RBFOX1: variants seen among roughly 807,000 people sequenced by gnomAD.
RBFOX1 encodes RNA binding fox-1 homolog 1.
In RBFOX1, 8 loss-of-function variants were observed where a neutral mutation model predicts 57.7. The observed-to-expected ratio is 0.14, with a 90% CI of 0.08 to 0.25. The LOEUF is 0.25. Among genes scored for constraint, RBFOX1 ranks in the 10% least tolerant of loss-of-function variants. The probability of loss-of-function intolerance (pLI) is 1.00; values close to 1 mark genes in which losing one functional copy is unlikely to be tolerated. For missense variants in RBFOX1, 611 were observed against 548.5 expected (o/e 1.11, Z -1.14); for synonymous variants, 326 against 222.4 (o/e 1.47, Z -4.15).
chr16:6,342,440 T>C (rs2084707912), intron 2 of RBFOX1, among the ~76,000 whole-genome samples: 1 of 152,138 alleles, frequency 6.6e-6, no homozygotes, highest in Admixed American at 6.5e-5. Context: ...TCAAGGTGCT[T>C]AGCATAGACT....
At chr16:6,127,676 C>T (rs1403294268) in intron 1 of RBFOX1, among the ~76,000 whole-genome samples, 1 of 152,124 alleles carries the variant, frequency 6.6e-6, no homozygotes, top group Admixed American at 6.6e-5. Flanking sequence ...GCTTTGTTCA[C>T]ATCATAGATT....
intron 1 of RBFOX1, among the ~76,000 whole-genome samples, chr16:6,088,130 G>A (rs1313634183): frequency 2.6e-5 from 4 of 152,042 alleles, no homozygotes; most frequent in Non-Finnish European, 5.9e-5. Context: ...CATCTGTAAC[G>A]GTGGCCATAG....
chr16:6,291,301 A>G (rs755163913), intron 1 of RBFOX1, among the ~76,000 whole-genome samples: 2 of 152,170 alleles, frequency 1.3e-5, no homozygotes, highest in Non-Finnish European at 2.9e-5. Flanking sequence ...GCTGCTATTC[A>G]AGATGGAGTT....
At chr16:7,514,164 A>C (rs1462948348) in intron 4 of RBFOX1, among the ~76,000 whole-genome samples, 1 of 152,206 alleles carries the variant, frequency 6.6e-6, no homozygotes, top group Non-Finnish European at 1.5e-5. Flanking sequence ...AGTCTCTGTC[A>C]CAGCTATCCA....
intron 1 of RBFOX1, among the ~76,000 whole-genome samples, chr16:5,375,014 G>A (rs2065948924): frequency 7.0e-6 from 1 of 143,302 alleles, no homozygotes; most frequent in South Asian, 2.2e-4. Flanking sequence ...TTCCAGAGAG[G>A]CCACCATTGT....
chr16:6,570,348 G>A (rs2097327891), intron 2 of RBFOX1, among the ~76,000 whole-genome samples: 1 of 152,026 alleles, frequency 6.6e-6, no homozygotes, highest in South Asian at 2.1e-4. Flanking sequence ...TGTGTTCCAG[G>A]CCCCTCCTGG....
chr16:7,031,521 G>T (rs969880291), intron 3 of RBFOX1, among the ~76,000 whole-genome samples: 1 of 151,768 alleles, frequency 6.6e-6, no homozygotes, highest in Non-Finnish European at 1.5e-5. Flanking sequence ...ACTTGAACCC[G>T]TAAGGTGGAG....
chr16:7,642,608 T>C (rs542765501), intron 11 of RBFOX1, among the ~76,000 whole-genome samples: 127 of 152,292 alleles, frequency 8.3e-4, no homozygotes, highest in African/African-American at 3.0e-3. Context: ...AGCCAGCTGT[T>C]AGATAGAACA....
chr16:6,035,853 GAGGTATT>G (rs2095358672), intron 1 of RBFOX1, among the ~76,000 whole-genome samples: 1 of 152,184 alleles, frequency 6.6e-6, no homozygotes, highest in Non-Finnish European at 1.5e-5. Context: ...AGCTTATCAT[GAGGTATT>G]AGCTTATTTT....
At chr16:5,547,192 C>G (rs1215206342) in intron 2 of RBFOX1, among the ~76,000 whole-genome samples, 1 of 152,202 alleles carries the variant, frequency 6.6e-6, no homozygotes, top group Non-Finnish European at 1.5e-5. Context: ...AACAGTTTGA[C>G]AGTTTTCTAA....
At chr16:6,069,881 G>T (rs1320924455) in intron 1 of RBFOX1, among the ~76,000 whole-genome samples, 10 of 152,118 alleles carry the variant, frequency 6.6e-5, no homozygotes, top group African/African-American at 1.4e-4. Context: ...CAGCTATTCG[G>T]GAGGCTGAGG....
chr16:6,835,727 C>G (rs989356913), intron 3 of RBFOX1, among the ~76,000 whole-genome samples: 14 of 143,416 alleles, frequency 9.8e-5, no homozygotes, highest in Non-Finnish European at 1.6e-4. Context: ...GCACTCCAGC[C>G]TGGGTGATAG....
At chr16:6,944,470 A>C (rs747492524) in intron 3 of RBFOX1, among the ~76,000 whole-genome samples, 2 of 152,074 alleles carry the variant, frequency 1.3e-5, no homozygotes, top group African/African-American at 4.8e-5. Context: ...CCTGCCTTAC[A>C]TGACTTATCT....
At chr16:7,050,599 T>C (rs2049724793) in intron 3 of RBFOX1, among the ~76,000 whole-genome samples, 1 of 152,202 alleles carries the variant, frequency 6.6e-6, no homozygotes, top group Admixed American at 6.5e-5. Context: ...TGTTTCACTG[T>C]ATTTTTAACC....
At chr16:5,251,450 G>A (rs1302087357) in intron 1 of RBFOX1, among the ~76,000 whole-genome samples, 1 of 152,166 alleles carries the variant, frequency 6.6e-6, no homozygotes, top group African/African-American at 2.4e-5. Context: ...TTTACCGGGG[G>A]CATTGTCTTA....
intron 3 of RBFOX1, among the ~76,000 whole-genome samples, chr16:6,853,464 A>G (rs1343483025): frequency 1.3e-5 from 2 of 152,054 alleles, no homozygotes; most frequent in South Asian, 2.1e-4. Context: ...AATCATCCTG[A>G]TGGAGGATGG....
chr16:7,225,908 A>AAATATATATG (rs1567789203), intron 4 of RBFOX1, among the ~76,000 whole-genome samples: 1 of 124,890 alleles, frequency 8.0e-6, no homozygotes, highest in African/African-American at 4.1e-5. Context: ...TATAATAAAT[A>AAATATATATG]TATATATATA....
intron 1 of RBFOX1, among the ~76,000 whole-genome samples, chr16:5,330,628 C>A (rs892540033): frequency 6.6e-6 from 1 of 151,836 alleles, no homozygotes. Flanking sequence ...TGGCCTCGAA[C>A]TTCTGACCTC....
At chr16:6,460,914 C>G (rs552460579) in intron 2 of RBFOX1, among the ~76,000 whole-genome samples, 1 of 151,156 alleles carries the variant, frequency 6.6e-6, no homozygotes, top group South Asian at 2.1e-4. Flanking sequence ...CCATGGAATA[C>G]TATGCAGCCA....
Sources: gnomAD v4.1 joint callset for allele counts (sites outside exome capture counted in the v4.1 genomes callset) on GRCh38, gnomAD v4.1.1 for gene constraint, MANE v1.5 for transcripts, NCBI Gene and HGNC (gene_info 2026-07-23, HGNC 2026-07-21) for gene names.